CCDC14: variants seen among roughly 807,000 people sequenced by gnomAD.
CCDC14 encodes the protein coiled-coil domain containing 14.
A neutral mutation model predicts 81.4 loss-of-function variants in CCDC14; 71 were observed. The ratio of observed to expected loss-of-function variants is 0.87; its 90% CI spans 0.72 to 1.06. The LOEUF (loss-of-function observed/expected upper bound fraction) is 1.06, where lower values mean the gene tolerates loss of function less well. Ranked by LOEUF, CCDC14 falls within the 50% of genes least tolerant of loss-of-function variation. The pLI is 0.00. For missense variants in CCDC14, 1,046 were observed against 1,047.3 expected, an observed-to-expected ratio of 1.00 and a Z score of 0.02; for synonymous variants, 332 against 364.8, an observed-to-expected ratio of 0.91 and a Z score of 1.03.
intron 12 of CCDC14, among the ~76,000 whole-genome samples, chr3:123,927,689 G>A (rs1288311384): frequency 6.6e-6 from 1 of 151,906 alleles, no homozygotes; most frequent in Non-Finnish European, 1.5e-5. Flanking sequence ...ACGAAAAGGA[G>A]AGCAAAAGTC....
chr3:123,940,420 T>C (rs921079434), intron 9 of CCDC14, among the ~76,000 whole-genome samples: 6 of 152,022 alleles, frequency 3.9e-5, no homozygotes, highest in African/African-American at 1.4e-4. Context: ...TATGGAATAC[T>C]GTTTTAAGTT....
In CCDC14 at chr3:123,915,488, A is replaced by G; in HGVS notation, c.2009T>C (p.Ile670Thr). 1 of 1,613,950 alleles carries G rather than the reference A, an allele frequency of 6.2e-7. No homozygotes were observed. Among genetic ancestry groups the G allele is most frequent in the Non-Finnish European group, 8.5e-7 (1 of 1,179,876 alleles). Residue 670 changes from isoleucine (I) to threonine (T), a missense_variant, in exon 13 of 13, where the codon ATA (isoleucine) becomes ACA (threonine). Coordinates refer to ENST00000409697, the MANE Select transcript of CCDC14 (RefSeq NM_001366335.1). ...PLSTIKNEET[I>T]EPDKTYENVL... is the part of the protein sequence containing the mutation. ...ATTTTCATAGGTTTTGTCTGGCTCTATGGTTTCCTCATTTTTAATTGTAGA... is the reference window on the plus strand; with the variant it reads ...ATTTTCATAGGTTTTGTCTGGCTCTGTGGTTTCCTCATTTTTAATTGTAGA...
In CCDC14 at chr3:123,951,715, T is replaced by G. The variant is rs2037029852; in HGVS notation, c.353-2583A>C. ...CATCAGGCTCTCATTTACTTTCTTT[T>G]CAAGGCGTGGTTTTCACAGTTTCTA... On this transcript the variant is annotated intron_variant, in intron 5 of 12. Coordinates refer to ENST00000409697, the MANE Select transcript of CCDC14 (RefSeq NM_001366335.1). Among the ~76,000 whole-genome samples, 4 of 152,212 alleles carry G rather than the reference T, an allele frequency of 2.6e-5. No homozygotes were observed. The South Asian group carries it at 8.3e-4, about 32-fold the overall frequency.
chr3:123,896,828 C>G (rs2034072449), downstream of CCDC14, among the ~76,000 whole-genome samples: 1 of 152,116 alleles, frequency 6.6e-6, no homozygotes, highest in Non-Finnish European at 1.5e-5. Flanking sequence ...TTCTTTAAAT[C>G]TTATTATCTT....
intron 5 of CCDC14, among the ~76,000 whole-genome samples, chr3:123,900,307 C>G (rs1210431492): frequency 6.6e-6 from 1 of 152,210 alleles, no homozygotes; most frequent in Admixed American, 6.5e-5. Context: ...CTCCCACACA[C>G]CCATGTACCC....
chr3:123,895,924 T>C (rs895456364), downstream of CCDC14, among the ~76,000 whole-genome samples: 3 of 152,224 alleles, frequency 2.0e-5, no homozygotes, highest in African/African-American at 7.2e-5. Context: ...TGTGTATATA[T>C]TCAAAAGAAA....
chr3:123,915,867 A>T lies in CCDC14; in HGVS notation c.1779-149T>A, dbSNP rs2034654021. On this transcript the variant is annotated intron_variant, in intron 12 of 12. Coordinates refer to ENST00000409697, the MANE Select transcript of CCDC14 (RefSeq NM_001366335.1). Reference sequence around the variant, plus strand: ...GCAACTAGAAGCACAAAATCACAGAACGTGCTTTGGCAAGAGCATATAATA... The same window carrying T: ...GCAACTAGAAGCACAAAATCACAGATCGTGCTTTGGCAAGAGCATATAATA... The T allele has an allele frequency of 5.2e-6, 3 of 578,506 alleles. No individual in the cohort carries two copies. The East Asian group carries it at 8.6e-5, about 17-fold the overall frequency. The allele number at this position is 578,506 out of a possible 1,614,324, so 35.8% of individuals were successfully genotyped here.
chr3:123,943,065 T>G (rs944390747), intron 9 of CCDC14, among the ~76,000 whole-genome samples: 2 of 151,830 alleles, frequency 1.3e-5, no homozygotes, highest in Non-Finnish European at 2.9e-5. Flanking sequence ...TATATATACA[T>G]ATTGTATATA....
chr3:123,896,431 GTATA>G (rs1436600529), downstream of CCDC14, among the ~76,000 whole-genome samples: 1 of 152,092 alleles, frequency 6.6e-6, no homozygotes, highest in East Asian at 1.9e-4. Flanking sequence ...CTAAGACATG[GTATA>G]TATAGACACA....
rs924379650 is a variant in CCDC14, at chr3:123,947,262, T to G, written c.742A>C (p.Thr248Pro). Reference sequence around the variant, plus strand: ...GAATTCCGTAGAACATCAGTACAGGTTGCAGAAACTGTTTTACCTTGTGAT... The same window carrying G: ...GAATTCCGTAGAACATCAGTACAGGGTGCAGAAACTGTTTTACCTTGTGAT... ...FASQGKTVSA[T>P]CTDVLRNSFN... Residue 248 changes from threonine to proline, a missense_variant, in exon 8 of 13, where the codon ACC (threonine) becomes CCC (proline). By Grantham distance (38) the Thr-to-Pro change is conservative. Coordinates refer to ENST00000409697, the MANE Select transcript of CCDC14 (RefSeq NM_001366335.1). 2 of 1,613,718 alleles carry G rather than the reference T, an allele frequency of 1.2e-6. No homozygotes were observed. The highest frequency in any genetic ancestry group is 3.3e-5 in the Admixed American group (2 of 59,968).
chr3:123,937,437 T>TTC (rs1444523333), intron 9 of CCDC14, among the ~76,000 whole-genome samples: 1 of 152,046 alleles, frequency 6.6e-6, no homozygotes, highest in Non-Finnish European at 1.5e-5. Context: ...TCTTTCTATA[T>TTC]TCTTATTTGA....
At chr3:123,903,336 ACACACACG>A (rs1310272216) in intron 5 of CCDC14, among the ~76,000 whole-genome samples, 2 of 148,246 alleles carry the variant, frequency 1.3e-5, no homozygotes, top group African/African-American at 5.0e-5. Context: ...ACACACACAC[ACACACACG>A]ACAAGCCACA....
intron 12 of CCDC14, among the ~76,000 whole-genome samples, chr3:123,927,705 C>CT (rs1198738793): frequency 1.3e-5 from 2 of 151,806 alleles, no homozygotes; most frequent in African/African-American, 4.8e-5. Flanking sequence ...AAGTCTGTAT[C>CT]TAATATTCTA....
rs1195177983 is a variant in CCDC14, at chr3:123,948,941, G to C, written c.544C>G (p.Pro182Ala). 6.2e-7 allele frequency: 1 copy of C among 1,613,944 alleles called. No homozygotes were observed. Among genetic ancestry groups the C allele is most frequent in the Non-Finnish European group, 8.5e-7 (1 of 1,179,860 alleles). The part of the protein sequence containing the change: ...LMNDLTSKNI[P>A]NGIPAVPCHA... ...CATGGTACAGCAGGAATTCCATTAG[G>C]GATGTTCTTTGAAGTCAAGTCATTC... Residue 182 changes from proline to alanine, a missense_variant, in exon 6 of 13, where the codon CCT becomes GCT. Coordinates refer to ENST00000409697, the MANE Select transcript of CCDC14 (RefSeq NM_001366335.1).
chr3:123,934,371 T>C (rs1261565996), intron 9 of CCDC14, among the ~76,000 whole-genome samples: 1 of 151,914 alleles, frequency 6.6e-6, no homozygotes, highest in African/African-American at 2.4e-5. Flanking sequence ...TTCTTTCCTT[T>C]TCTATCTGCT....
chr3:123,917,498 CA>C (rs1378814354), intron 12 of CCDC14, among the ~76,000 whole-genome samples: 24 of 121,784 alleles, frequency 2.0e-4, no homozygotes, highest in Non-Finnish European at 1.8e-4. Context: ...CCATCTCAAC[CA>C]AAAAAAAAAA....
intron 7 of CCDC14, 143 bp from the exon 8 acceptor site, chr3:123,947,462 C>T (rs1256053737): frequency 1.6e-6 from 1 of 618,382 alleles, no homozygotes; most frequent in Admixed American, 3.3e-5. Context: ...TAAGTAGTTA[C>T]CACTATATTT....
rs71332719 is a variant in CCDC14, at chr3:123,951,922, T to C, written c.353-2790A>G. Among the ~76,000 whole-genome samples, 74 of 152,242 alleles carry C rather than the reference T, an allele frequency of 4.9e-4. 1 individual carries two copies. Among genetic ancestry groups the C allele is most frequent in the Non-Finnish European group, 8.5e-4 (58 of 68,040 alleles). ...TGTTGAGTAACTTTACTTAACGATA[T>C]GAAGTCTTAAAGCAAACAATCCAAG... On this transcript the variant is annotated intron_variant, in intron 5 of 12. Coordinates refer to ENST00000409697, the MANE Select transcript of CCDC14 (RefSeq NM_001366335.1).
At chr3:123,935,786 C>T (rs2332682) in intron 9 of CCDC14, among the ~76,000 whole-genome samples, 71,400 of 152,018 alleles carry the variant, frequency 0.47, 19,022 homozygotes, top group Non-Finnish European at 0.63. Context: ...TCTTCCCAAA[C>T]GTAACCAATC....
Sources: gnomAD v4.1 joint callset for allele counts (sites outside exome capture counted in the v4.1 genomes callset) on GRCh38, gnomAD v4.1.1 for gene constraint, MANE v1.5 for transcripts, NCBI Gene and HGNC (gene_info 2026-07-23, HGNC 2026-07-21) for gene names.